BIN2: variants seen among roughly 807,000 people sequenced by gnomAD.
BIN2 encodes breast cancer associated protein BRAP1.
A neutral mutation model predicts 67.9 loss-of-function variants in BIN2; 43 were observed. That is an observed-to-expected ratio of 0.63 (90% confidence interval 0.50 to 0.82). The LOEUF is 0.82. Among genes scored for constraint, BIN2 ranks in the 40% least tolerant of loss-of-function variants. The probability of loss-of-function intolerance (pLI) is 0.00; values close to 1 mark genes in which losing one functional copy is unlikely to be tolerated. For missense variants in BIN2, 581 were observed against 671.6 expected, an observed-to-expected ratio of 0.87 and a Z score of 1.49; for synonymous variants, 244 against 246.8, an observed-to-expected ratio of 0.99 and a Z score of 0.11.
At chr12:51,305,623 CAAA>C (rs201641166) in intron 2 of BIN2, among the ~76,000 whole-genome samples, 1 of 119,030 alleles carries the variant, frequency 8.4e-6, no homozygotes, top group African/African-American at 3.1e-5. Flanking sequence ...AACTCCATCT[CAAA>C]AAAAAAAAAA....
chr12:51,319,623 G>A (rs1946215800), intron 1 of BIN2, among the ~76,000 whole-genome samples: 1 of 152,150 alleles, frequency 6.6e-6, no homozygotes, highest in African/African-American at 2.4e-5. Flanking sequence ...GATATTTAAG[G>A]AGAAAGAGCA....
chr12:51,318,928 A>G (rs1420487895), intron 1 of BIN2, among the ~76,000 whole-genome samples: 2 of 149,416 alleles, frequency 1.3e-5, no homozygotes, highest in African/African-American at 4.9e-5. Flanking sequence ...TGGTTTGGCC[A>G]TATCTGTTTT....
At chr12:51,324,177 G>C, upstream of BIN2, 1 of 1,578,990 alleles carries the variant, frequency 6.3e-7, no homozygotes, top group Admixed American at 1.8e-5. Flanking sequence ...GAGGAAGTGC[G>C]GGCTCCCGGC....
intron 10 of BIN2, 116 bp downstream of exon 10, chr12:51,291,475 C>T (rs1015646880): frequency 4.8e-6 from 5 of 1,040,312 alleles, no homozygotes; most frequent in African/African-American, 1.6e-5. Flanking sequence ...CTTGAGAGGT[C>T]GAGACTGCAA....
At chr12:51,304,509 C>G (rs1945816582) in intron 2 of BIN2, among the ~76,000 whole-genome samples, 1 of 152,202 alleles carries the variant, frequency 6.6e-6, no homozygotes, top group Non-Finnish European at 1.5e-5. Flanking sequence ...AACCTGACTT[C>G]AGGACTGTGG....
chr12:51,298,296 C>T (rs191290929), intron 7 of BIN2, among the ~76,000 whole-genome samples: 6 of 152,218 alleles, frequency 3.9e-5, no homozygotes, highest in African/African-American at 1.4e-4. Context: ...CGCTTGAATC[C>T]GGGAGGTGGA....
At chr12:51,322,190 A>G (rs1946300034) in intron 1 of BIN2, among the ~76,000 whole-genome samples, 1 of 152,166 alleles carries the variant, frequency 6.6e-6, no homozygotes, top group Non-Finnish European at 1.5e-5. Context: ...TGTTCTTACC[A>G]TATTGAGTTT....
chr12:51,301,641 T>A (rs1362166009), intron 5 of BIN2, among the ~76,000 whole-genome samples: 2 of 152,076 alleles, frequency 1.3e-5, no homozygotes, highest in Non-Finnish European at 2.9e-5. Context: ...CTAGGGTGGC[T>A]GGGACTACAG....
chr12:51,319,450 G>C (rs1471406045), intron 1 of BIN2, among the ~76,000 whole-genome samples: 1 of 152,236 alleles, frequency 6.6e-6, no homozygotes, highest in Non-Finnish European at 1.5e-5. Flanking sequence ...AGACCCTTGA[G>C]GGAACAGGGT....
At chr12:51,300,614 G>C (rs926880412) in intron 5 of BIN2, among the ~76,000 whole-genome samples, 2 of 152,030 alleles carry the variant, frequency 1.3e-5, no homozygotes, top group African/African-American at 4.8e-5. Context: ...AGTCTACTCA[G>C]CCTTATCCAA....
intron 1 of BIN2, among the ~76,000 whole-genome samples, chr12:51,317,311 T>C (rs1364019600): frequency 6.6e-6 from 1 of 152,228 alleles, no homozygotes; most frequent in Non-Finnish European, 1.5e-5. Context: ...AGAGTAAGAC[T>C]GATCTAGGAG....
intron 10 of BIN2, among the ~76,000 whole-genome samples, chr12:51,289,116 G>T (rs1945319854): frequency 6.6e-6 from 1 of 151,856 alleles, no homozygotes; most frequent in Non-Finnish European, 1.5e-5. Flanking sequence ...TTTTTGATCA[G>T]CCCCTTGTGT....
chr12:51,313,927 C>T (rs1269699741), intron 1 of BIN2, 24 bp from the exon 2 acceptor site: 3 of 1,596,048 alleles, frequency 1.9e-6, no homozygotes, highest in Admixed American at 3.3e-5. Context: ...TCAGAAAGGC[C>T]CGTAAGGTTA....
chr12:51,297,244 T>C (rs1217532561), intron 7 of BIN2, 80 bp from the exon 8 acceptor site: 3 of 1,421,418 alleles, frequency 2.1e-6, no homozygotes, highest in Non-Finnish European at 3.0e-6. Flanking sequence ...AAGTAGGACT[T>C]AAGCCAAAAC....
In BIN2 at chr12:51,295,577, A is replaced by AG. The variant is rs1188350704; in HGVS notation, c.761+218_761+219insC. The stretch of plus-strand genomic sequence containing the variant: ...GACTCCGTCTCAAAAAAAAAAAAAA[A>AG]ATATATATATATATATATATATATA... On this transcript the variant is annotated intron_variant, in intron 9 of 12. Transcript: ENST00000615107. Among the ~76,000 whole-genome samples the AG allele has an allele frequency of 0.032, 957 of 29,548 alleles. 164 individuals are homozygous for AG. The East Asian group carries it at 0.34, about 10-fold the overall frequency. The allele number at this position is 29,548 out of a possible 152,430, so 19.4% of individuals were successfully genotyped here.
intron 9 of BIN2, among the ~76,000 whole-genome samples, chr12:51,293,638 T>A (rs1945453879): frequency 6.6e-6 from 1 of 152,108 alleles, no homozygotes; most frequent in South Asian, 2.1e-4. Context: ...TCGATTTTTT[T>A]AAAAAAGGTC....
intron 11 of BIN2, among the ~76,000 whole-genome samples, chr12:51,285,874 A>C (rs551059767): frequency 6.6e-6 from 1 of 152,096 alleles, no homozygotes; most frequent in Non-Finnish European, 1.5e-5. Flanking sequence ...AGCCTCCCAA[A>C]GTGTTGGGAT....
At chr12:51,298,085 C>G (rs866872262) in intron 7 of BIN2, among the ~76,000 whole-genome samples, 1 of 150,058 alleles carries the variant, frequency 6.7e-6, no homozygotes, top group South Asian at 2.1e-4. Flanking sequence ...TCAAAAAATA[C>G]AAAAATGGCC....
chr12:51,318,063 G>A (rs1263067244), intron 1 of BIN2, among the ~76,000 whole-genome samples: 1 of 152,200 alleles, frequency 6.6e-6, no homozygotes, highest in Admixed American at 6.5e-5. Flanking sequence ...TCCAGTTAGA[G>A]ACAACAGCAT....
Sources: gnomAD v4.1 joint callset for allele counts (sites outside exome capture counted in the v4.1 genomes callset) on GRCh38, gnomAD v4.1.1 for gene constraint, MANE v1.5 for transcripts, NCBI Gene and HGNC (gene_info 2026-07-23, HGNC 2026-07-21) for gene names.